Variants in MSMB observed in about 807,000 individuals in gnomAD.
The protein encoded by MSMB is microseminoprotein beta.
Under a neutral mutation model 10.5 loss-of-function variants are expected in MSMB, and 10 were observed. The ratio of observed to expected loss-of-function variants is 0.95; its 90% CI spans 0.59 to 1.62. The LOEUF (loss-of-function observed/expected upper bound fraction) is 1.62, where lower values mean the gene tolerates loss of function less well. Among genes scored for constraint, MSMB ranks in the 40% most tolerant of loss-of-function variants. The pLI is 0.00. For missense variants in MSMB, 126 were observed against 137.4 expected (o/e 0.92, Z 0.42); for synonymous variants, 43 against 46.5 (o/e 0.93, Z 0.30).
chr10:46,044,575 G>GGAAAAAAAAA (rs1554929177), intron 1 of MSMB, among the ~76,000 whole-genome samples: 1 of 38,530 alleles, frequency 2.6e-5, no homozygotes, highest in Non-Finnish European at 5.5e-5. Context: ...CTCCGTCTCA[G>GGAAAAAAAAA]AAAAAAAAAA....
chr10:46,038,290 CA>C (rs1322569049), intron 3 of MSMB, among the ~76,000 whole-genome samples: 2 of 151,460 alleles, frequency 1.3e-5, no homozygotes, highest in African/African-American at 4.9e-5. Context: ...TATTTTACCG[CA>C]ATTTTTTTTT....
intron 1 of MSMB, among the ~76,000 whole-genome samples, chr10:46,041,983 G>A (rs941212200): frequency 3.3e-5 from 5 of 152,084 alleles, no homozygotes; most frequent in Non-Finnish European, 4.4e-5. Flanking sequence ...TAGAACAAGT[G>A]GTGAACTATT....
rs542572996 is a variant in MSMB, at chr10:46,046,141, T to G, written c.3+94A>C. On this transcript the variant is annotated intron_variant, in intron 1 of 3. Transcript: ENST00000582163. The stretch of plus-strand genomic sequence containing the variant: ...TTCCTAACTAGGTCACATTTACCAT[T>G]CAATGCTATGTGGTAGAAGCACACG... The G allele has an allele frequency of 8.6e-6, 11 of 1,278,298 alleles. No homozygotes were observed. In the South Asian group the frequency reaches 1.2e-4, roughly 14 times the overall value. The allele number at this position is 1,278,298 out of a possible 1,614,324, so 79.2% of individuals were successfully genotyped here.
rs377623879 is a variant in MSMB, at chr10:46,033,400, C to A, written c.*22G>T. 3.3e-4 allele frequency: 535 copies of A among 1,612,464 alleles called. No homozygotes were observed. The highest frequency in any genetic ancestry group is 4.1e-4 in the Non-Finnish European group (486 of 1,178,828). ...AGGAGAATGAGGCCTGGCCTGGGAG[C>A]CCTGTGCCTACTAGAAGCACATTAG... On this transcript the variant is annotated 3_prime_UTR_variant, in exon 4 of 4. Coordinates refer to ENST00000582163, the MANE Select transcript of MSMB (RefSeq NM_002443.4).
chr10:46,033,365 T>A lies in MSMB; in HGVS notation c.*57A>T. The A allele has an allele frequency of 1.3e-6, 2 of 1,596,276 alleles. No individual in the cohort carries two copies. The highest frequency in any genetic ancestry group is 1.7e-6 in the Non-Finnish European group (2 of 1,170,316). On this transcript the variant is annotated 3_prime_UTR_variant, in exon 4 of 4. Transcript: ENST00000582163. ...GCATGGCTACACAATCATTGACTAT[T>A]AGAGGCCAGAGGAGAATGAGGCCTG...
rs782274318 is a variant in MSMB, at chr10:46,033,396, G to C, written c.*26C>G. 1.9e-6 allele frequency: 3 copies of C among 1,611,982 alleles called. No homozygotes were observed. The African/African-American group carries it at 4.0e-5, about 22-fold the overall frequency. On this transcript the variant is annotated 3_prime_UTR_variant, in exon 4 of 4. Coordinates refer to ENST00000582163, the MANE Select transcript of MSMB (RefSeq NM_002443.4). ...CCAGAGGAGAATGAGGCCTGGCCTG[G>C]GAGCCCTGTGCCTACTAGAAGCACA...
chr10:46,040,569 C>G (rs1840718940), intron 1 of MSMB, among the ~76,000 whole-genome samples: 1 of 152,232 alleles, frequency 6.6e-6, no homozygotes, highest in African/African-American at 2.4e-5. Flanking sequence ...AAAGTCCCCT[C>G]TGCTTTAACT....
chr10:46,038,437 G>A (rs979178223), intron 3 of MSMB, among the ~76,000 whole-genome samples: 13 of 151,918 alleles, frequency 8.6e-5, no homozygotes, highest in Admixed American at 7.2e-4. Flanking sequence ...ACAGGCACCC[G>A]CCACCAAGCC....
Position 46,038,527 on chromosome 10 carries a change from A to G in MSMB, c.215+439T>C, listed in dbSNP as rs1489644698. Among the ~76,000 whole-genome samples the G allele has an allele frequency of 3.3e-5, 5 of 152,158 alleles. 1 individual carries two copies. The highest frequency in any genetic ancestry group is 3.3e-4 in the Admixed American group (5 of 15,280). ...AGGGTCTCGATCTCCTGACCTCGTG[A>G]TCCGCCCGCTTCGGCCCCCCAAAAT... is the stretch of plus-strand genomic sequence containing the variant. On this transcript the variant is annotated intron_variant, in intron 3 of 3. Coordinates refer to ENST00000582163, the MANE Select transcript of MSMB (RefSeq NM_002443.4).
intron 3 of MSMB, among the ~76,000 whole-genome samples, chr10:46,037,688 G>A (rs1840641387): frequency 6.6e-6 from 1 of 152,180 alleles, no homozygotes. Context: ...TATGCTCAGA[G>A]CCACTGCTAT....
chr10:46,042,720 A>G lies in MSMB; in HGVS notation c.4-2629T>C, dbSNP rs570595067. Among the ~76,000 whole-genome samples, 3 of 152,332 alleles carry G rather than the reference A, an allele frequency of 2.0e-5. No individual in the cohort carries two copies. The East Asian group carries it at 5.8e-4, about 29-fold the overall frequency. On this transcript the variant is annotated intron_variant, in intron 1 of 3. Coordinates refer to ENST00000582163, the MANE Select transcript of MSMB (RefSeq NM_002443.4). ...AAAACACCTGGTGAGCCAGCAAGGTAGAAGGTGAAGTCACATGAGCAATTG... is the reference window on the plus strand; with the variant it reads ...AAAACACCTGGTGAGCCAGCAAGGTGGAAGGTGAAGTCACATGAGCAATTG...
At chr10:46,044,480 G>A (rs1208838065) in intron 1 of MSMB, among the ~76,000 whole-genome samples, 1 of 148,446 alleles carries the variant, frequency 6.7e-6, no homozygotes, top group Admixed American at 6.9e-5. Flanking sequence ...GGAGGCTGAG[G>A]CAGGAGAATG....
At chr10:46,037,652 T>C (rs1554927734) in intron 3 of MSMB, among the ~76,000 whole-genome samples, 1 of 152,088 alleles carries the variant, frequency 6.6e-6, no homozygotes, top group East Asian at 1.9e-4. Flanking sequence ...GATCCTCCCT[T>C]ACCCCTCACA....
rs191654410 is a variant in MSMB at position 46,040,872 on chromosome 10, C to G, written c.4-781G>C. Among the ~76,000 whole-genome samples, 4 of 151,928 alleles carry G rather than the reference C, an allele frequency of 2.6e-5. No individual in the cohort carries two copies. In the East Asian group the frequency reaches 7.7e-4, roughly 29 times the overall value. ...GGGAGTCTGAGGCAGGAGAATGGCACGAACCCAGGAGGCGGACCTTGCAGT... is the reference window on the plus strand; with the variant it reads ...GGGAGTCTGAGGCAGGAGAATGGCAGGAACCCAGGAGGCGGACCTTGCAGT... On this transcript the variant is annotated intron_variant, in intron 1 of 3. Coordinates refer to ENST00000582163, the MANE Select transcript of MSMB (RefSeq NM_002443.4).
At chr10:46,043,084 C>G (rs1337171930) in intron 1 of MSMB, among the ~76,000 whole-genome samples, 2 of 152,084 alleles carry the variant, frequency 1.3e-5, no homozygotes, top group African/African-American at 4.8e-5. Flanking sequence ...ACTTTTCCCC[C>G]CAAAAAGCCA....
chr10:46,042,797 G>A (rs1433282678), intron 1 of MSMB, among the ~76,000 whole-genome samples: 3 of 152,290 alleles, frequency 2.0e-5, no homozygotes, highest in East Asian at 1.9e-4. Flanking sequence ...TACATGATGC[G>A]GAGAGAGATG....
chr10:46,039,923 C>T (rs1554928182), intron 2 of MSMB, 63 bp downstream of exon 2: 4 of 1,212,550 alleles, frequency 3.3e-6, no homozygotes, highest in Non-Finnish European at 4.8e-6. Context: ...AGGCTTTCAT[C>T]TGCAGACAGG....
rs1840521011 is a variant in MSMB at position 46,033,698 on chromosome 10, C to T, written c.216-147G>A. ...AGCCCCAGAGTGTGACCTCCAGGAACCTGGACCAGTCTGTACCATAGAGTC... is the reference window on the plus strand; with the variant it reads ...AGCCCCAGAGTGTGACCTCCAGGAATCTGGACCAGTCTGTACCATAGAGTC... On this transcript the variant is annotated intron_variant, in intron 3 of 3. Transcript: ENST00000582163. 4.4e-6 allele frequency: 5 copies of T among 1,127,910 alleles called. No homozygotes were observed. The East Asian group carries it at 9.9e-5, about 22-fold the overall frequency. The allele number at this position is 1,127,910 out of a possible 1,614,324, so 69.9% of individuals were successfully genotyped here. A position where few individuals can be genotyped will look rare whatever the true frequency, so the allele number is the denominator to read the frequency against.
At chr10:46,045,476 T>G (rs1291613382) in intron 1 of MSMB, among the ~76,000 whole-genome samples, 1 of 152,024 alleles carries the variant, frequency 6.6e-6, no homozygotes, top group Non-Finnish European at 1.5e-5. Context: ...CAGGCTGCAG[T>G]GAATCATGAC....
Sources: gnomAD v4.1 joint callset for allele counts (sites outside exome capture counted in the v4.1 genomes callset) on GRCh38, gnomAD v4.1.1 for gene constraint, MANE v1.5 for transcripts, NCBI Gene and HGNC (gene_info 2026-07-23, HGNC 2026-07-21) for gene names.